The following MYH15 variants were observed in gnomAD, a reference collection of about 807,000 sequenced individuals.
The protein encoded by MYH15 is myosin heavy chain 15, also known as myosin-15.
A neutral mutation model predicts 240.5 loss-of-function variants in MYH15; 227 were observed. The ratio of observed to expected loss-of-function variants is 0.94; its 90% CI spans 0.85 to 1.05. The LOEUF (loss-of-function observed/expected upper bound fraction) is 1.05, where lower values mean the gene tolerates loss of function less well. Among genes scored for constraint, MYH15 ranks in the 50% least tolerant of loss-of-function variants. The pLI is 0.00. For missense variants in MYH15, 2,217 were observed against 2,247.5 expected, an observed-to-expected ratio of 0.99 and a Z score of 0.27; for synonymous variants, 785 against 796.7, an observed-to-expected ratio of 0.99 and a Z score of 0.25.
At chr3:108,416,789 G>A (rs776790333) in intron 29 of MYH15, 23 bp downstream of exon 29, 1 of 1,545,850 alleles carries the variant, frequency 6.5e-7, no homozygotes, top group Admixed American at 1.7e-5. Context: ...CAAGAAACTA[G>A]TGAGAAATAA....
intron 9 of MYH15, among the ~76,000 whole-genome samples, 190 bp from the exon 10 acceptor site, chr3:108,486,716 T>C (rs2083308797): frequency 6.6e-6 from 1 of 152,162 alleles, no homozygotes; most frequent in Non-Finnish European, 1.5e-5. Flanking sequence ...AGTCATGTGT[T>C]AATGCCTCCC....
chr3:108,523,467 T>A (rs185097842), intron 1 of MYH15, among the ~76,000 whole-genome samples: 1 of 152,114 alleles, frequency 6.6e-6, no homozygotes, highest in East Asian at 1.9e-4. Context: ...CCAAAAACAT[T>A]AAAGAATTAT....
intron 1 of MYH15, among the ~76,000 whole-genome samples, chr3:108,519,428 T>A (rs2083599591): frequency 6.6e-6 from 1 of 152,200 alleles, no homozygotes; most frequent in South Asian, 2.1e-4. Context: ...GCTGGCTCAT[T>A]GCTCCATATT....
At chr3:108,493,229 A>T (rs1576267672) in intron 7 of MYH15, 52 bp from the exon 8 acceptor site, 1 of 1,501,832 alleles carries the variant, frequency 6.7e-7, no homozygotes. Context: ...TCCTATTCAC[A>T]TTTTCCAAGC....
upstream of MYH15, among the ~76,000 whole-genome samples, chr3:108,511,586 A>C (rs1359388233): frequency 6.6e-6 from 1 of 152,240 alleles, no homozygotes; most frequent in African/African-American, 2.4e-5. Flanking sequence ...CTGGGCCTTC[A>C]TGATCTTAAA....
At chr3:108,545,246 T>C in the MYH15 span, among the ~76,000 whole-genome samples, 2 of 152,124 alleles carry the variant, frequency 1.3e-5, no homozygotes, top group Non-Finnish European at 2.9e-5. Context: ...GTGTAGACAA[T>C]AATTTAAAGA....
intron 21 of MYH15, among the ~76,000 whole-genome samples, chr3:108,452,055 A>G (rs2082978688): frequency 6.6e-6 from 1 of 151,952 alleles, no homozygotes; most frequent in Non-Finnish European, 1.5e-5. Context: ...CCCCAAAGTC[A>G]GAAATATGAA....
At position 108,410,952 on chromosome 3, in the gene MYH15, A is replaced by G. The variant is rs759337145; in HGVS notation, c.4146-20T>C. 3 of 1,567,362 alleles carry G rather than the reference A, an allele frequency of 1.9e-6. No individual in the cohort carries two copies. The Admixed American group carries it at 5.2e-5, about 27-fold the overall frequency. On this transcript the variant is annotated intron_variant, in intron 30 of 40. Coordinates refer to ENST00000693548, the MANE Select transcript of MYH15 (RefSeq NM_014981.3). The stretch of plus-strand genomic sequence containing the variant: ...TCCTTCCTGAGAAAGGAGGACACCC[A>G]AAGAGTGAGTGAGGCAATAACTCTC...
chr3:108,394,011 T>C lies in MYH15; in HGVS notation c.5259+20A>G. ...GTGAACTCTGGGAGACAGGATTGAG[T>C]ACGTGGTCAAGGGACCCACCTCAAT... On this transcript the variant is annotated intron_variant, in intron 36 of 40. Transcript: ENST00000693548. 6.2e-7 allele frequency: 1 copy of C among 1,613,148 alleles called. No homozygotes were observed. Among genetic ancestry groups the C allele is most frequent in the Non-Finnish European group, 8.5e-7 (1 of 1,179,890 alleles).
At chr3:108,424,423 G>T (rs1414253822) in intron 27 of MYH15, among the ~76,000 whole-genome samples, 1 of 152,196 alleles carries the variant, frequency 6.6e-6, no homozygotes, top group African/African-American at 2.4e-5. Context: ...GCATGCAAAA[G>T]AGTTGTACCC....
the MYH15 span, among the ~76,000 whole-genome samples, chr3:108,538,678 T>G: frequency 1.3e-5 from 2 of 151,940 alleles, no homozygotes; most frequent in Non-Finnish European, 1.5e-5. Flanking sequence ...TTGTGGACAA[T>G]GAGATGTGTA....
intron 9 of MYH15, among the ~76,000 whole-genome samples, chr3:108,488,490 T>C (rs898677403): frequency 2.6e-5 from 4 of 152,090 alleles, no homozygotes; most frequent in Admixed American, 6.6e-5. Context: ...AAATTTTTTG[T>C]AGAAACGGGG....
chr3:108,462,467 G>T (rs1308909109), intron 16 of MYH15, among the ~76,000 whole-genome samples: 1 of 151,850 alleles, frequency 6.6e-6, no homozygotes, highest in African/African-American at 2.4e-5. Flanking sequence ...AGTTAAGTAG[G>T]ATCCCTGATT....
chr3:108,522,493 T>C (rs1400694181), intron 1 of MYH15, among the ~76,000 whole-genome samples: 1 of 152,052 alleles, frequency 6.6e-6, no homozygotes, highest in Non-Finnish European at 1.5e-5. Flanking sequence ...GCTCTGTCAA[T>C]AGTTGCTGTA....
chr3:108,542,708 TCCTCC>T, the MYH15 span, among the ~76,000 whole-genome samples: 13 of 151,994 alleles, frequency 8.6e-5, no homozygotes, highest in Non-Finnish European at 1.6e-4. Flanking sequence ...TGCCCCCCAC[TCCTCC>T]CCACAACAGG....
chr3:108,504,826 G>A (rs946691398), intron 2 of MYH15, among the ~76,000 whole-genome samples: 1 of 152,100 alleles, frequency 6.6e-6, no homozygotes, highest in Non-Finnish European at 1.5e-5. Context: ...GAAGGGGCTG[G>A]CGGGTATTAT....
chr3:108,476,195 T>A (rs1042616413), intron 12 of MYH15, among the ~76,000 whole-genome samples: 1 of 152,204 alleles, frequency 6.6e-6, no homozygotes, highest in East Asian at 1.9e-4. Flanking sequence ...TTTCAAAATG[T>A]ATGTTTCAGA....
chr3:108,419,872 T>C (rs1299036297), intron 28 of MYH15, among the ~76,000 whole-genome samples: 1 of 152,220 alleles, frequency 6.6e-6, no homozygotes, highest in Admixed American at 6.5e-5. Flanking sequence ...GAATACATTG[T>C]TTATTTTCAT....
the MYH15 span, among the ~76,000 whole-genome samples, chr3:108,544,338 G>T: frequency 6.6e-6 from 1 of 152,106 alleles, no homozygotes; most frequent in Non-Finnish European, 1.5e-5. Flanking sequence ...TTTAAAAGAG[G>T]CATAAAGAAA....
Sources: allele counts gnomAD v4.1 joint callset (sites outside exome capture counted in the v4.1 genomes callset), GRCh38; gene constraint gnomAD v4.1.1; transcripts MANE v1.5; gene names NCBI Gene and HGNC (gene_info 2026-07-23, HGNC 2026-07-21).